The following AGBL4 variants were observed in gnomAD, a reference collection of about 807,000 sequenced individuals.
The protein encoded by AGBL4 is AGBL carboxypeptidase 4, also known as cytosolic carboxypeptidase 6.
In AGBL4, 58 loss-of-function variants were observed where a neutral mutation model predicts 66.4. The ratio of observed to expected loss-of-function variants is 0.87; its 90% CI spans 0.71 to 1.09. AGBL4 has a LOEUF of 1.09. AGBL4 is among the 50% of genes least tolerant of loss of function. AGBL4 has a pLI of 0.00. For synonymous variants in AGBL4, 234 were observed against 222.9 expected (o/e 1.05, Z -0.44); for missense variants, 579 against 631.0 (o/e 0.92, Z 0.88).
intron 3 of AGBL4, among the ~76,000 whole-genome samples, chr1:49,690,833 A>G (rs1646873371): frequency 6.6e-6 from 1 of 152,150 alleles, no homozygotes; most frequent in Admixed American, 6.5e-5. Context: ...TATTTGCATC[A>G]TCCCATGTGT....
chr1:49,674,559 A>G (rs1646543430), intron 3 of AGBL4, among the ~76,000 whole-genome samples: 1 of 132,046 alleles, frequency 7.6e-6, no homozygotes, highest in South Asian at 2.3e-4. Flanking sequence ...AAGAATATAT[A>G]TAAGAATAAA....
chr1:49,366,857 A>G (rs10489427), intron 3 of AGBL4, among the ~76,000 whole-genome samples: 7,399 of 152,260 alleles, frequency 0.049, 566 homozygotes, highest in African/African-American at 0.16. Flanking sequence ...GCTACAGCTG[A>G]TGCAGAATTT....
rs1646447113 is a variant in AGBL4 at position 49,458,837 on chromosome 1, A to G, written c.283-212973T>C. On this transcript the variant is annotated intron_variant, in intron 3 of 13. Coordinates refer to ENST00000371839, the MANE Select transcript of AGBL4 (RefSeq NM_032785.4). Reference sequence around the variant, plus strand: ...GATGATCAGGTGATTTTTGTTTTTAATTGTGTTAATGTGGTGTATCACATT... The same window carrying G: ...GATGATCAGGTGATTTTTGTTTTTAGTTGTGTTAATGTGGTGTATCACATT... Among the ~76,000 whole-genome samples the G allele has an allele frequency of 2.0e-5, 3 of 151,556 alleles. No individual in the cohort carries two copies. The South Asian group carries it at 6.2e-4, about 31-fold the overall frequency.
At chr1:48,837,709 C>CTATAT (rs1310220715) in intron 6 of AGBL4, among the ~76,000 whole-genome samples, 1 of 75,088 alleles carries the variant, frequency 1.3e-5, no homozygotes, top group East Asian at 1.6e-3. Flanking sequence ...CACACACACA[C>CTATAT]ACTATATATA....
At chr1:49,792,683 T>A (rs1407528942) in intron 2 of AGBL4, among the ~76,000 whole-genome samples, 3 of 152,020 alleles carry the variant, frequency 2.0e-5, no homozygotes, top group African/African-American at 7.2e-5. Context: ...ATATTTCTTA[T>A]GAACTGTTAA....
At chr1:49,874,128 T>C (rs1646910098) in intron 1 of AGBL4, among the ~76,000 whole-genome samples, 1 of 152,044 alleles carries the variant, frequency 6.6e-6, no homozygotes, top group Admixed American at 6.6e-5. Context: ...ATGTTTTTAC[T>C]ACAAATAATG....
At chr1:49,963,606 T>C (rs1217929942) in intron 1 of AGBL4, among the ~76,000 whole-genome samples, 1 of 152,136 alleles carries the variant, frequency 6.6e-6, no homozygotes, top group Non-Finnish European at 1.5e-5. Flanking sequence ...TCTTTTCATG[T>C]TGGATATATA....
chr1:49,844,310 T>A (rs539895940), intron 2 of AGBL4, among the ~76,000 whole-genome samples: 34 of 152,248 alleles, frequency 2.2e-4, no homozygotes, highest in African/African-American at 8.2e-4. Flanking sequence ...GGCTGCCACA[T>A]TGCTCCTTCC....
At chr1:48,660,944 G>T (rs1646096999) in intron 7 of AGBL4, among the ~76,000 whole-genome samples, 1 of 152,098 alleles carries the variant, frequency 6.6e-6, no homozygotes, top group Non-Finnish European at 1.5e-5. Flanking sequence ...TAGGTTAAAA[G>T]CCCCACTCCG....
chr1:48,633,410 G>T (rs900586483), intron 9 of AGBL4, among the ~76,000 whole-genome samples: 2 of 152,126 alleles, frequency 1.3e-5, no homozygotes, highest in African/African-American at 4.8e-5. Flanking sequence ...GACTTTTGTT[G>T]TCTTAGCAAT....
intron 4 of AGBL4, among the ~76,000 whole-genome samples, chr1:49,154,887 G>C (rs1219290881): frequency 6.6e-6 from 1 of 152,128 alleles, no homozygotes; most frequent in African/African-American, 2.4e-5. Flanking sequence ...ACAATGAAGA[G>C]TGCCTACTCT....
chr1:50,019,053 T>C (rs1169382495), intron 1 of AGBL4, among the ~76,000 whole-genome samples: 4 of 152,228 alleles, frequency 2.6e-5, no homozygotes, highest in Middle Eastern at 6.8e-3. Flanking sequence ...GAATGTGATA[T>C]TGATGTGTTT....
intron 1 of AGBL4, among the ~76,000 whole-genome samples, chr1:49,892,447 G>A (rs750170884): frequency 6.6e-6 from 1 of 152,078 alleles, no homozygotes; most frequent in Non-Finnish European, 1.5e-5. Flanking sequence ...GCTAAATTAA[G>A]CACATGCAAA....
At chr1:48,844,777 C>T (rs888668644) in intron 6 of AGBL4, among the ~76,000 whole-genome samples, 1 of 152,220 alleles carries the variant, frequency 6.6e-6, no homozygotes, top group African/African-American at 2.4e-5. Flanking sequence ...TGACCCTTAT[C>T]ACACAGTATG....
At chr1:49,255,559 T>A (rs1031128065) in intron 3 of AGBL4, among the ~76,000 whole-genome samples, 8 of 152,186 alleles carry the variant, frequency 5.3e-5, no homozygotes, top group African/African-American at 1.7e-4. Context: ...TATACACTGT[T>A]GGTGGGAGTA....
At chr1:49,225,893 A>C (rs1447217674) in intron 4 of AGBL4, among the ~76,000 whole-genome samples, 1 of 152,222 alleles carries the variant, frequency 6.6e-6, no homozygotes, top group Non-Finnish European at 1.5e-5. Flanking sequence ...CAAAGACAGC[A>C]ATCAGCTTGA....
intron 2 of AGBL4, chr1:49,841,941 G>A (rs563730184): frequency 1.8e-5 from 11 of 596,052 alleles, no homozygotes; most frequent in East Asian, 3.9e-5. Flanking sequence ...CGGCCTCCTC[G>A]AGCGTGTCCT....
At chr1:49,261,370 T>C (rs888463244) in intron 3 of AGBL4, among the ~76,000 whole-genome samples, 3 of 152,118 alleles carry the variant, frequency 2.0e-5, no homozygotes, top group Non-Finnish European at 2.9e-5. Flanking sequence ...AGTCAAATTG[T>C]CCCTGTTTGC....
intron 6 of AGBL4, among the ~76,000 whole-genome samples, chr1:48,743,619 T>G (rs986430513): frequency 6.6e-6 from 1 of 152,108 alleles, no homozygotes; most frequent in Non-Finnish European, 1.5e-5. Flanking sequence ...ATTTCAGGAG[T>G]TGACTAAGAT....
Sources: gnomAD v4.1 joint callset for allele counts (sites outside exome capture counted in the v4.1 genomes callset) on GRCh38, gnomAD v4.1.1 for gene constraint, MANE v1.5 for transcripts, NCBI Gene and HGNC (gene_info 2026-07-23, HGNC 2026-07-21) for gene names.